Variants in SOX5 observed in about 807,000 individuals in gnomAD.
The protein encoded by SOX5 is SRY-box transcription factor 5.
SOX5 carries 9 observed loss-of-function variants against 92.0 expected under a neutral mutation model. That is an observed-to-expected ratio of 0.10 (90% CI 0.06 to 0.17). SOX5 has a LOEUF of 0.17. SOX5 is among the 10% of genes least tolerant of loss of function. The probability of loss-of-function intolerance (pLI) is 1.00; values close to 1 mark genes in which losing one functional copy is unlikely to be tolerated. For missense variants in SOX5, 642 were observed against 944.5 expected, an observed-to-expected ratio of 0.68 and a Z score of 4.20; for synonymous variants, 344 against 336.3, an observed-to-expected ratio of 1.02 and a Z score of -0.25.
intron 3 of SOX5, among the ~76,000 whole-genome samples, chr12:23,804,917 A>T (rs1010818189): frequency 0.02 from 52 of 2,544 alleles, no homozygotes; most frequent in African/African-American, 0.067. Flanking sequence ...TCATTGTTTT[A>T]TATATATATA....
chr12:23,852,435 T>A (rs2096643401), intron 2 of SOX5, among the ~76,000 whole-genome samples: 1 of 152,150 alleles, frequency 6.6e-6, no homozygotes, highest in African/African-American at 2.4e-5. Context: ...TTTCAAACAT[T>A]TCTTATGTAT....
chr12:23,738,578 G>C (rs2140967032), intron 5 of SOX5: 1 of 152,254 alleles, frequency 6.6e-6, no homozygotes, highest in Non-Finnish European at 1.5e-5. Flanking sequence ...TCTTGGGAAA[G>C]TATTAGAATC....
intron 4 of SOX5, among the ~76,000 whole-genome samples, chr12:24,137,896 A>C (rs1165628475): frequency 6.6e-6 from 1 of 152,258 alleles, no homozygotes; most frequent in African/African-American, 2.4e-5. Context: ...GATATGATCA[A>C]ACTCACCCCC....
At chr12:23,744,149 C>T (rs1249226018) in intron 4 of SOX5, among the ~76,000 whole-genome samples, 5 of 152,094 alleles carry the variant, frequency 3.3e-5, no homozygotes, top group Non-Finnish European at 5.9e-5. Context: ...CAATCTTTTT[C>T]ACTGACTCCT....
intron 1 of SOX5, among the ~76,000 whole-genome samples, chr12:24,423,499 A>G (rs1966248857): frequency 6.6e-6 from 1 of 152,246 alleles, no homozygotes; most frequent in African/African-American, 2.4e-5. Flanking sequence ...TTCTATATGT[A>G]GGAATACTAG....
intron 1 of SOX5, among the ~76,000 whole-genome samples, chr12:24,428,350 CCAAG>C (rs1258527273): frequency 2.6e-5 from 4 of 152,122 alleles, no homozygotes; most frequent in Non-Finnish European, 5.9e-5. Flanking sequence ...TTCTGTTTCA[CCAAG>C]CTTCAAGTCC....
chr12:23,703,207 G>C (rs955818079), intron 6 of SOX5, among the ~76,000 whole-genome samples: 1 of 152,036 alleles, frequency 6.6e-6, no homozygotes, highest in African/African-American at 2.4e-5. Flanking sequence ...CCAAGGTAAA[G>C]TTATTATTAG....
intron 2 of SOX5, among the ~76,000 whole-genome samples, chr12:24,363,385 C>G (rs1955814834): frequency 6.6e-6 from 1 of 152,156 alleles, no homozygotes. Context: ...ATGCCCTGTT[C>G]TTTTGCAATT....
At chr12:23,638,953 TC>T (rs1290918705) in intron 8 of SOX5, among the ~76,000 whole-genome samples, 1 of 152,124 alleles carries the variant, frequency 6.6e-6, no homozygotes, top group African/African-American at 2.4e-5. Context: ...CTGATGGCTT[TC>T]CATGAAAAAA....
At chr12:24,243,756 G>C (rs577277177) in intron 3 of SOX5, among the ~76,000 whole-genome samples, 1 of 152,120 alleles carries the variant, frequency 6.6e-6, no homozygotes, top group East Asian at 1.9e-4. Flanking sequence ...TTATTATAAT[G>C]ATACAGACTG....
intron 4 of SOX5, among the ~76,000 whole-genome samples, chr12:24,044,236 C>A (rs1392277240): frequency 6.6e-6 from 1 of 152,072 alleles, no homozygotes; most frequent in African/African-American, 2.4e-5. Context: ...TATGACAACA[C>A]AAAGATGAAG....
At chr12:24,052,835 C>T (rs944564786) in intron 4 of SOX5, among the ~76,000 whole-genome samples, 1 of 152,196 alleles carries the variant, frequency 6.6e-6, no homozygotes, top group African/African-American at 2.4e-5. Flanking sequence ...CATTCTTTCA[C>T]TAATTTGTAA....
chr12:23,770,276 C>T (rs1393258329), intron 3 of SOX5, among the ~76,000 whole-genome samples: 2 of 151,928 alleles, frequency 1.3e-5, no homozygotes, highest in African/African-American at 2.4e-5. Flanking sequence ...TTTAGGCTCA[C>T]CCCCATTACC....
At chr12:23,953,545 C>T (rs563468350), upstream of SOX5, among the ~76,000 whole-genome samples, 128 of 152,090 alleles carry the variant, frequency 8.4e-4, 1 homozygote, top group African/African-American at 3.1e-3. Context: ...ATGTTAAGTG[C>T]TATGGCTTTA....
intron 4 of SOX5, among the ~76,000 whole-genome samples, chr12:24,095,118 C>CAGAGAGAG (rs1316678789): frequency 1.2e-5 from 1 of 82,646 alleles, no homozygotes; most frequent in Non-Finnish European, 2.7e-5. Context: ...CACACACACA[C>CAGAGAGAG]ACACACACAC....
intron 4 of SOX5, among the ~76,000 whole-genome samples, chr12:24,170,870 T>C (rs1954004221): frequency 6.6e-6 from 1 of 152,174 alleles, no homozygotes; most frequent in Admixed American, 6.5e-5. Flanking sequence ...CTACACTACT[T>C]CATCTACAAC....
At chr12:24,096,117 T>G (rs1363070232) in intron 4 of SOX5, among the ~76,000 whole-genome samples, 1 of 152,204 alleles carries the variant, frequency 6.6e-6, no homozygotes, top group African/African-American at 2.4e-5. Context: ...GGAAAAAATT[T>G]TTAAACATTT....
intron 1 of SOX5, among the ~76,000 whole-genome samples, chr12:24,491,212 A>G (rs968443554): frequency 6.6e-6 from 1 of 152,112 alleles, no homozygotes; most frequent in African/African-American, 2.4e-5. Context: ...TGTGATTTAC[A>G]TTTGTGGTAA....
At chr12:23,964,717 T>A (rs1187904547) in intron 4 of SOX5, among the ~76,000 whole-genome samples, 1 of 152,216 alleles carries the variant, frequency 6.6e-6, no homozygotes, top group Non-Finnish European at 1.5e-5. Flanking sequence ...TTTCCAAGCA[T>A]CTAAAATCGA....
Sources: gnomAD v4.1 joint callset for allele counts (sites outside exome capture counted in the v4.1 genomes callset) on GRCh38, gnomAD v4.1.1 for gene constraint, MANE v1.5 for transcripts, NCBI Gene and HGNC (gene_info 2026-07-23, HGNC 2026-07-21) for gene names.